The following TERF2IP variants were observed in gnomAD, a reference collection of about 807,000 sequenced individuals.
TERF2IP encodes the protein telomeric repeat-binding factor 2-interacting protein 1.
Under a neutral mutation model 33.3 loss-of-function variants are expected in TERF2IP, and 35 were observed. The ratio of observed to expected loss-of-function variants is 1.05; its 90% CI spans 0.80 to 1.39. TERF2IP has a LOEUF of 1.39. Ranked by LOEUF, TERF2IP falls within the 40% of genes most tolerant of loss-of-function variation. The probability of loss-of-function intolerance (pLI) is 0.00; values close to 1 mark genes in which losing one functional copy is unlikely to be tolerated. For missense variants in TERF2IP, 583 were observed against 524.8 expected, an observed-to-expected ratio of 1.11 and a Z score of -1.08; for synonymous variants, 253 against 223.2, an observed-to-expected ratio of 1.13 and a Z score of -1.19.
Position 75,656,472 on chromosome 16 carries a change from A to T in TERF2IP, c.1061A>T (p.Gln354Leu), listed in dbSNP as rs767208960. ...ACTTCCGCCTTCTTAGCGTCTGGTCAGAGAGCTGATGGATATCCCATTTGG... is the reference window on the plus strand; with the variant it reads ...ACTTCCGCCTTCTTAGCGTCTGGTCTGAGAGCTGATGGATATCCCATTTGG... ...EATSAFLASG[Q>L]RADGYPIWSR... Residue 354 changes from glutamine (Q) to leucine (L), a missense_variant, in exon 3 of 3, where the codon CAG (glutamine) becomes CTG (leucine). Gln to Leu is a moderately radical substitution (Grantham distance 113, BLOSUM62 -2). Transcript: ENST00000300086. The T allele has an allele frequency of 6.2e-7, 1 of 1,614,264 alleles. No homozygotes were observed. Among genetic ancestry groups the T allele is most frequent in the Non-Finnish European group, 8.5e-7 (1 of 1,180,054 alleles).
intron 1 of TERF2IP, among the ~76,000 whole-genome samples, chr16:75,652,197 C>G (rs1412985835): frequency 1.3e-5 from 2 of 152,236 alleles, no homozygotes; most frequent in Admixed American, 6.5e-5. Context: ...GGGGCAGCCT[C>G]TATTACCGTC....
chr16:75,647,851 G>T lies in TERF2IP; in HGVS notation c.-32G>T. The stretch of plus-strand genomic sequence containing the variant: ...TCTGTGTGCCAGGCGCTCGCGAGGG[G>T]GTAGCTCTTCTAGTAGTGCTCGGCG... On this transcript the variant is annotated 5_prime_UTR_variant, in exon 1 of 3. Transcript: ENST00000300086. 1 of 1,597,972 alleles carries T rather than the reference G, an allele frequency of 6.3e-7. No homozygotes were observed. Among genetic ancestry groups the T allele is most frequent in the Non-Finnish European group, 8.5e-7 (1 of 1,170,044 alleles).
At chr16:75,654,428 T>G in intron 2 of TERF2IP, 31 bp downstream of exon 2, 1 of 1,602,260 alleles carries the variant, frequency 6.2e-7, no homozygotes, top group Non-Finnish European at 8.5e-7. Flanking sequence ...CATTATTTTT[T>G]TCCCTACCTT....
intron 1 of TERF2IP, 87 bp downstream of exon 1, chr16:75,648,639 ATCT>A: frequency 6.9e-7 from 1 of 1,444,488 alleles, no homozygotes; most frequent in South Asian, 1.4e-5. Context: ...CCATCTTGGC[ATCT>A]TCGGTAGCAG....
chr16:75,654,349 A>G lies in TERF2IP; in HGVS notation c.747A>G (p.Ala249=). The change falls in exon 2 of 3, where the codon GCA becomes GCG. Residue 249 remains alanine, a synonymous_variant. Transcript: ENST00000300086. The part of the protein sequence containing the change: ...VKEEIQENEE[A]VKKMLVEATR... ...AAGAAATCCAGGAGAATGAAGAAGCAGTCAAAAAGATGCTTGTGGAAGCCA... is the reference window on the plus strand; with the variant it reads ...AAGAAATCCAGGAGAATGAAGAAGCGGTCAAAAAGATGCTTGTGGAAGCCA... 1 of 1,614,016 alleles carries G rather than the reference A, an allele frequency of 6.2e-7. No individual in the cohort carries two copies. The highest frequency in any genetic ancestry group is 8.5e-7 in the Non-Finnish European group (1 of 1,179,906).
At chr16:75,653,238 A>G (rs776141689) in intron 1 of TERF2IP, among the ~76,000 whole-genome samples, 5 of 152,158 alleles carry the variant, frequency 3.3e-5, no homozygotes, top group African/African-American at 4.8e-5. Context: ...TATAACTAGT[A>G]TCTGTTTGAG....
intron 1 of TERF2IP, among the ~76,000 whole-genome samples, chr16:75,652,025 G>A (rs928867964): frequency 6.6e-6 from 1 of 152,084 alleles, no homozygotes; most frequent in Non-Finnish European, 1.5e-5. Flanking sequence ...TTCTTTGGGG[G>A]GCATTTTGAC....
chr16:75,649,323 C>T (rs914335661), intron 1 of TERF2IP, among the ~76,000 whole-genome samples: 1 of 152,166 alleles, frequency 6.6e-6, no homozygotes, highest in Admixed American at 6.5e-5. Context: ...GCGGGCGGAT[C>T]ACCTGAGGTA....
chr16:75,650,213 A>G (rs900646683), intron 1 of TERF2IP, among the ~76,000 whole-genome samples: 1 of 152,218 alleles, frequency 6.6e-6, no homozygotes, highest in African/African-American at 2.4e-5. Context: ...AAAATAATTC[A>G]GAGTGTAAGG....
chr16:75,652,043 G>A (rs2082351527), intron 1 of TERF2IP, among the ~76,000 whole-genome samples: 1 of 152,162 alleles, frequency 6.6e-6, no homozygotes, highest in South Asian at 2.1e-4. Context: ...GACAATATCT[G>A]ATGACATTTA....
chr16:75,657,386 T>A lies in TERF2IP; in HGVS notation c.*775T>A, dbSNP rs2082395085. ...AAAAATTAGTGGATTGACTCCACTT[T>A]GTTGTGTTGTTTTCATTGTTGAAAA... On this transcript the variant is annotated 3_prime_UTR_variant, in exon 3 of 3. Coordinates refer to ENST00000300086, the MANE Select transcript of TERF2IP (RefSeq NM_018975.4). 6.6e-6 allele frequency: 1 copy of A among 152,256 alleles called. No homozygotes were observed. The highest frequency in any genetic ancestry group is 6.5e-5 in the Admixed American group (1 of 15,288). The allele number at this position is 152,256 out of a possible 1,614,324, so 9.4% of individuals were successfully genotyped here. A position where few individuals can be genotyped will look rare whatever the true frequency, so the allele number is the denominator to read the frequency against.
intron 1 of TERF2IP, 90 bp from the exon 2 acceptor site, chr16:75,654,183 C>G (rs975090189): frequency 1.8e-5 from 16 of 881,800 alleles, no homozygotes; most frequent in South Asian, 2.8e-5. Flanking sequence ...AGTGCAGGCT[C>G]ACTCCTGGCC....
chr16:75,648,599 GT>G, intron 1 of TERF2IP, 47 bp downstream of exon 1: 1 of 1,471,184 alleles, frequency 6.8e-7, no homozygotes, highest in East Asian at 2.5e-5. Flanking sequence ...CGCGGGTGGG[GT>G]TGGGATCTTT....
Position 75,656,442 on chromosome 16 carries a change from A to G in TERF2IP, c.1031A>G (p.Glu344Gly). ...QAFLKNSGEL[E>G]ATSAFLASGQ... ...TTCCTAAAAAATAGTGGTGAGCTGG[A>G]GGCTACTTCCGCCTTCTTAGCGTCT... The change falls in exon 3 of 3, where the codon GAG (glutamate) becomes GGG (glycine). Residue 344 changes from glutamate (E) to glycine (G), a missense_variant. Coordinates refer to ENST00000300086, the MANE Select transcript of TERF2IP (RefSeq NM_018975.4). 6.2e-7 allele frequency: 1 copy of G among 1,614,224 alleles called. No individual in the cohort carries two copies. Among genetic ancestry groups the G allele is most frequent in the Non-Finnish European group, 8.5e-7 (1 of 1,180,032 alleles).
chr16:75,653,927 TC>T (rs1039710598), intron 1 of TERF2IP, among the ~76,000 whole-genome samples: 16 of 152,118 alleles, frequency 1.1e-4, no homozygotes, highest in African/African-American at 3.6e-4. Flanking sequence ...AGAATTTGCT[TC>T]CCAAGGAACC....
intron 1 of TERF2IP, among the ~76,000 whole-genome samples, chr16:75,652,899 T>G (rs529611635): frequency 3.3e-5 from 5 of 152,194 alleles, no homozygotes; most frequent in Non-Finnish European, 7.3e-5. Context: ...AACATGCCTA[T>G]TAAACACTAA....
Position 75,656,210 on chromosome 16 carries a change from G to T in TERF2IP, c.799G>T (p.Asp267Tyr). 2 of 1,604,434 alleles carry T rather than the reference G, an allele frequency of 1.2e-6. No homozygotes were observed. The highest frequency in any genetic ancestry group is 1.1e-5 in the South Asian group (1 of 89,904). The change falls in exon 3 of 3, where the codon GAT becomes TAT. Residue 267 changes from aspartate (D) to tyrosine (Y), a missense_variant. Coordinates refer to ENST00000300086, the MANE Select transcript of TERF2IP (RefSeq NM_018975.4). Reference sequence around the variant, plus strand: ...TTTTACTCATCATTCTGTCTAGGTGGATGAGAGCCCTCCTGATTTTGAAAT... The same window carrying T: ...TTTTACTCATCATTCTGTCTAGGTGTATGAGAGCCCTCCTGATTTTGAAAT... ...ATREFEEVVV[D>Y]ESPPDFEIHI...
intron 1 of TERF2IP, among the ~76,000 whole-genome samples, chr16:75,650,055 T>C (rs908705381): frequency 5.9e-5 from 9 of 152,184 alleles, no homozygotes; most frequent in Admixed American, 5.2e-4. Context: ...AATTTTGTTT[T>C]GGTAAAAGTG....
At position 75,648,293 on chromosome 16, in the gene TERF2IP, G is replaced by C. The variant is rs1208362118; in HGVS notation, c.411G>C (p.Thr137=). Residue 137 remains threonine (T), a synonymous_variant, in exon 1 of 3, where the codon ACG becomes ACC. Transcript: ENST00000300086. ...PQRHAGRIAF[T]DADDVAILTY... is the part of the protein sequence containing the mutation. ...GGCACGCCGGGCGGATCGCCTTCACGGATGCGGACGACGTAGCCATCCTTA... is the reference window on the plus strand; with the variant it reads ...GGCACGCCGGGCGGATCGCCTTCACCGATGCGGACGACGTAGCCATCCTTA... 1.3e-6 allele frequency: 2 copies of C among 1,553,258 alleles called. No homozygotes were observed. The highest frequency in any genetic ancestry group is 8.7e-7 in the Non-Finnish European group (1 of 1,148,080).
Sources: gnomAD v4.1 joint callset for allele counts (sites outside exome capture counted in the v4.1 genomes callset) on GRCh38, gnomAD v4.1.1 for gene constraint, MANE v1.5 for transcripts, NCBI Gene and HGNC (gene_info 2026-07-23, HGNC 2026-07-21) for gene names.